ARHGEF2: variants seen among roughly 807,000 people sequenced by gnomAD.
The protein encoded by ARHGEF2 is rho guanine nucleotide exchange factor 2.
A neutral mutation model predicts 121.0 loss-of-function variants in ARHGEF2; 22 were observed. The observed-to-expected ratio is 0.18, with a 90% CI of 0.13 to 0.26. ARHGEF2 has a LOEUF of 0.26. Among genes scored for constraint, ARHGEF2 ranks in the 10% least tolerant of loss-of-function variants. ARHGEF2 has a pLI of 1.00. For missense variants in ARHGEF2, 907 were observed against 1,336.0 expected, an observed-to-expected ratio of 0.68 and a Z score of 5.01; for synonymous variants, 487 against 530.0, an observed-to-expected ratio of 0.92 and a Z score of 1.11.
chr1:155,960,919 C>A (rs1245603288), intron 11 of ARHGEF2, among the ~76,000 whole-genome samples: 1 of 152,204 alleles, frequency 6.6e-6, no homozygotes, highest in Non-Finnish European at 1.5e-5. Context: ...GCTCCCTCTG[C>A]CCTGCTGTCT....
At chr1:155,974,897 C>T (rs1681058764) in intron 1 of ARHGEF2, among the ~76,000 whole-genome samples, 1 of 151,924 alleles carries the variant, frequency 6.6e-6, no homozygotes, top group Non-Finnish European at 1.5e-5. Flanking sequence ...TGCAAGTGAA[C>T]AATAGCTGTG....
chr1:155,954,881 G>C lies in ARHGEF2; in HGVS notation c.1783+21C>G. 1.2e-6 allele frequency: 2 copies of C among 1,605,922 alleles called. 1 individual carries two copies. The highest frequency in any genetic ancestry group is 2.2e-5 in the South Asian group (2 of 89,918). On this transcript the variant is annotated intron_variant, in intron 14 of 21. Coordinates refer to ENST00000361247, the MANE Select transcript of ARHGEF2 (RefSeq NM_001162383.2). ...TGAATGTATTATAAATTACTAAGGA[G>C]CTCCTTGTGGGTGGACTTACTCTTA...
intron 1 of ARHGEF2, chr1:155,977,918 G>A (rs1325484985): frequency 4.2e-6 from 1 of 236,116 alleles, no homozygotes; most frequent in Non-Finnish European, 7.0e-6. Flanking sequence ...GGGGACAAAG[G>A]GGGAACGACC....
chr1:155,958,574 ATT>A (rs397722034), intron 11 of ARHGEF2, among the ~76,000 whole-genome samples, 178 bp from the exon 12 acceptor site: 13 of 122,246 alleles, frequency 1.1e-4, no homozygotes, highest in Middle Eastern at 4.1e-3. Flanking sequence ...CACCCATTCT[ATT>A]TTTTTTTTTT....
chr1:155,970,990 T>C, intron 1 of ARHGEF2: 1 of 986,348 alleles, frequency 1.0e-6, no homozygotes, highest in Non-Finnish European at 1.2e-6. Context: ...CCTTCTCTTC[T>C]CAGGGTCTCC....
rs556962947 is a variant in ARHGEF2, at chr1:155,965,893, T to G, written c.341-133A>C. The G allele has an allele frequency of 9.0e-7, 1 of 1,117,094 alleles. No individual in the cohort carries two copies. Among genetic ancestry groups the G allele is most frequent in the East Asian group, 2.8e-5 (1 of 35,840 alleles). 69.2% of individuals were successfully genotyped at this position (1,117,094 alleles called of 1,614,324 possible). ...CAGCCCCTCTAGTCAAGAAAGATGGTAATGAGAATGCCACCTTACATTTGT... is the reference window on the plus strand; with the variant it reads ...CAGCCCCTCTAGTCAAGAAAGATGGGAATGAGAATGCCACCTTACATTTGT... On this transcript the variant is annotated intron_variant, in intron 4 of 21. Coordinates refer to ENST00000361247, the MANE Select transcript of ARHGEF2 (RefSeq NM_001162383.2). This position sits in a 1 kb window ranked among gnomAD's most constrained non-coding sequence, Gnocchi z 6.0.
At chr1:155,948,208 C>T (rs1347977601) in intron 21 of ARHGEF2, among the ~76,000 whole-genome samples, 193 bp from the exon 22 acceptor site, 3 of 152,252 alleles carry the variant, frequency 2.0e-5, no homozygotes, top group African/African-American at 7.2e-5. Flanking sequence ...ACCTAGGTAC[C>T]GGATACACTT....
chr1:155,958,174 T>C (rs2102649278), intron 12 of ARHGEF2, 146 bp downstream of exon 12: 1 of 687,486 alleles, frequency 1.5e-6, no homozygotes, highest in East Asian at 2.7e-5. Context: ...TGTGAGCTGC[T>C]CTTATTTTTT....
intron 1 of ARHGEF2, chr1:155,972,273 C>T (rs1361844342): frequency 6.4e-6 from 3 of 466,602 alleles, no homozygotes; most frequent in Non-Finnish European, 1.3e-5. Context: ...GAAGTGACCC[C>T]TGCTCTAGGT....
At position 155,961,274 on chromosome 1, in the gene ARHGEF2, CTTTT is replaced by C. The variant is rs926226291; in HGVS notation, c.1468+383_1468+386del. Among the ~76,000 whole-genome samples, 3 of 131,372 alleles carry C rather than the reference CTTTT, an allele frequency of 2.3e-5. No individual in the cohort carries two copies. The highest frequency in any genetic ancestry group is 2.8e-5 in the African/African-American group (1 of 36,014). 86.2% of individuals were successfully genotyped at this position (131,372 alleles called of 152,430 possible). On this transcript the variant is annotated intron_variant, in intron 11 of 21. Transcript: ENST00000361247. The surrounding 1 kb of genome is among the most constrained non-coding windows in gnomAD (Gnocchi z 4.7). ...TGGGCTGCATAAAGGGAGGTTGATT[CTTTT>C]TTTTTTTTTTTTTTGAGATGGAGTC... is the stretch of plus-strand genomic sequence containing the variant.
chr1:155,964,178 A>ATG (rs1558031128), intron 7 of ARHGEF2, among the ~76,000 whole-genome samples: 33 of 101,064 alleles, frequency 3.3e-4, no homozygotes, highest in African/African-American at 7.3e-4. Context: ...ATATATATAT[A>ATG]TATATATATA....
At chr1:155,963,681 T>C (rs1366786617) in intron 7 of ARHGEF2, among the ~76,000 whole-genome samples, 1 of 150,502 alleles carries the variant, frequency 6.6e-6, no homozygotes, top group East Asian at 2.0e-4. Flanking sequence ...TATTATTTTT[T>C]TTTTTCCAGA....
Position 155,947,990 on chromosome 1 carries a change from C to T in ARHGEF2, c.2913G>A (p.Pro971=), listed in dbSNP as rs140711313. 1,780 of 1,551,208 alleles carry T rather than the reference C, an allele frequency of 1.1e-3. 28 individuals are homozygous for T. The South Asian group carries it at 0.013, about 11-fold the overall frequency. Reference sequence around the variant, plus strand: ...CCCCGTCGCGGCTCTCCGTCTCCTCCGGGATGTCCTGCATTCTGGTAAAGT... The same window carrying T: ...CCCCGTCGCGGCTCTCCGTCTCCTCTGGGATGTCCTGCATTCTGGTAAAGT... The part of the protein sequence containing the change: ...PRDFTRMQDI[P]EETESRDGEA... The change falls in exon 22 of 22, where the codon CCG becomes CCA. Residue 971 remains proline (P), a synonymous_variant. Coordinates refer to ENST00000361247, the MANE Select transcript of ARHGEF2 (RefSeq NM_001162383.2).
At chr1:155,958,937 G>T (rs1430031310) in intron 11 of ARHGEF2, among the ~76,000 whole-genome samples, 1 of 151,606 alleles carries the variant, frequency 6.6e-6, no homozygotes, top group Non-Finnish European at 1.5e-5. Flanking sequence ...GCAGGGTGCA[G>T]AAAGATTCAT....
intron 11 of ARHGEF2, among the ~76,000 whole-genome samples, chr1:155,959,772 G>A (rs960203838): frequency 3.9e-5 from 6 of 152,052 alleles, no homozygotes; most frequent in Non-Finnish European, 7.4e-5. Flanking sequence ...CTCGAATTCC[G>A]GACCTCAGGC....
rs2102672243 is a variant in ARHGEF2 at position 155,965,277 on chromosome 1, G to T, written c.580+26C>A. 6.2e-7 allele frequency: 1 copy of T among 1,610,944 alleles called. No homozygotes were observed. The highest frequency in any genetic ancestry group is 8.5e-7 in the Non-Finnish European group (1 of 1,177,176). Reference sequence around the variant, plus strand: ...CCAGCCCCTCTTCATGTTCCTCAGGGCTCCCCTGGGCCCAGGCCTGCTCAC... The same window carrying T: ...CCAGCCCCTCTTCATGTTCCTCAGGTCTCCCCTGGGCCCAGGCCTGCTCAC... On this transcript the variant is annotated intron_variant, in intron 6 of 21. Coordinates refer to ENST00000361247, the MANE Select transcript of ARHGEF2 (RefSeq NM_001162383.2). This position sits in a 1 kb window ranked among gnomAD's most constrained non-coding sequence, Gnocchi z 6.0.
intron 13 of ARHGEF2, among the ~76,000 whole-genome samples, chr1:155,956,955 GGAGGCT>G (rs1212587509): frequency 6.6e-6 from 1 of 151,224 alleles, no homozygotes; most frequent in African/African-American, 2.4e-5. Flanking sequence ...CAGCTATTTG[GGAGGCT>G]GAGGCAGGAG....
Position 155,966,525 on chromosome 1 carries a change from C to A in ARHGEF2, c.277-46G>T, listed in dbSNP as rs772455418. ...GAGAGATACCAAGAATGGCTGTCAC[C>A]CAAGGATCACCCCCAGAGGCATGGG... On this transcript the variant is annotated intron_variant, in intron 3 of 21. Coordinates refer to ENST00000361247, the MANE Select transcript of ARHGEF2 (RefSeq NM_001162383.2). 3 of 1,604,326 alleles carry A rather than the reference C, an allele frequency of 1.9e-6. No individual in the cohort carries two copies. The Admixed American group carries it at 5.0e-5, about 27-fold the overall frequency.
intron 1 of ARHGEF2, chr1:155,969,666 G>C: frequency 2.8e-6 from 3 of 1,052,900 alleles, no homozygotes; most frequent in East Asian, 7.9e-5. Context: ...CTGTGCTAGG[G>C]GGAAGATGCG....
Sources: allele counts gnomAD v4.1 joint callset (sites outside exome capture counted in the v4.1 genomes callset), GRCh38; gene constraint gnomAD v4.1.1; non-coding constraint Gnocchi (gnomAD v3.1); transcripts MANE v1.5; gene names NCBI Gene and HGNC (gene_info 2026-07-23, HGNC 2026-07-21).